The following RUNDC3B variants were observed in gnomAD, a reference collection of about 807,000 sequenced individuals.
RUNDC3B encodes the protein RUN domain containing 3B, also known as RUN domain-containing protein 3B.
Under a neutral mutation model 58.4 loss-of-function variants are expected in RUNDC3B, and 33 were observed. The ratio of observed to expected loss-of-function variants is 0.56; its 90% CI spans 0.43 to 0.75. The LOEUF is 0.75. Ranked by LOEUF, RUNDC3B falls within the 30% of genes least tolerant of loss-of-function variation. The probability of loss-of-function intolerance (pLI) is 0.00; values close to 1 mark genes in which losing one functional copy is unlikely to be tolerated. For missense variants in RUNDC3B, 501 were observed against 535.7 expected (o/e 0.94, Z 0.64); for synonymous variants, 193 against 195.2 (o/e 0.99, Z 0.10).
chr7:87,649,346 G>A (rs1480116288), intron 1 of RUNDC3B, among the ~76,000 whole-genome samples: 1 of 152,180 alleles, frequency 6.6e-6, no homozygotes, highest in Non-Finnish European at 1.5e-5. Flanking sequence ...AACGTTCAAA[G>A]CATTGTCCTA....
intron 2 of RUNDC3B, among the ~76,000 whole-genome samples, chr7:87,655,314 C>T (rs920142545): frequency 2.0e-5 from 3 of 152,048 alleles, no homozygotes; most frequent in South Asian, 2.1e-4. Flanking sequence ...GATAAGGACT[C>T]AACCTAATTG....
At chr7:87,755,501 T>C (rs1294010310) in intron 6 of RUNDC3B, among the ~76,000 whole-genome samples, 1 of 152,114 alleles carries the variant, frequency 6.6e-6, no homozygotes, top group Non-Finnish European at 1.5e-5. Context: ...AACAAAATAC[T>C]GGCAAACTGA....
intron 2 of RUNDC3B, among the ~76,000 whole-genome samples, chr7:87,691,628 GTTTA>G (rs1340756227): frequency 6.6e-6 from 1 of 152,108 alleles, no homozygotes; most frequent in Non-Finnish European, 1.5e-5. Flanking sequence ...TCATACGCTT[GTTTA>G]TTTAAAGAGC....
At chr7:87,698,774 C>T (rs184406881) in intron 2 of RUNDC3B, among the ~76,000 whole-genome samples, 4 of 152,194 alleles carry the variant, frequency 2.6e-5, no homozygotes, top group Admixed American at 2.6e-4. Context: ...GTGAAATAAT[C>T]AAGTAAAGAA....
chr7:87,666,171 A>C lies in RUNDC3B; in HGVS notation c.238+15234A>C, dbSNP rs997598847. Among the ~76,000 whole-genome samples, 4 of 152,100 alleles carry C rather than the reference A, an allele frequency of 2.6e-5. No homozygotes were observed. In the East Asian group the frequency reaches 7.7e-4, roughly 29 times the overall value. ...CACCTGTTATTTTTGACTTTTTAGT[A>C]ATAGCCATTCTGACTGGTGTGAGAT... On this transcript the variant is annotated intron_variant, in intron 2 of 10. Coordinates refer to ENST00000394654, the MANE Select transcript of RUNDC3B (RefSeq NM_001134405.2).
At chr7:87,647,853 A>G (rs1823168716) in intron 1 of RUNDC3B, among the ~76,000 whole-genome samples, 1 of 152,128 alleles carries the variant, frequency 6.6e-6, no homozygotes, top group African/African-American at 2.4e-5. Context: ...AAAAGAGTAA[A>G]TTGGCCAACT....
At chr7:87,679,566 T>A (rs935165256) in intron 2 of RUNDC3B, among the ~76,000 whole-genome samples, 2 of 150,070 alleles carry the variant, frequency 1.3e-5, no homozygotes, top group Non-Finnish European at 3.0e-5. Flanking sequence ...ATTTTTTGAT[T>A]TTTTATAGAG....
At chr7:87,663,812 T>C (rs1418428157) in intron 2 of RUNDC3B, among the ~76,000 whole-genome samples, 1 of 152,118 alleles carries the variant, frequency 6.6e-6, no homozygotes, top group Non-Finnish European at 1.5e-5. Context: ...CTGATTTGCT[T>C]TCTGGCAAGC....
At chr7:87,783,436 G>A (rs1359336733) in intron 8 of RUNDC3B, among the ~76,000 whole-genome samples, 3 of 152,088 alleles carry the variant, frequency 2.0e-5, no homozygotes, top group African/African-American at 7.2e-5. Context: ...GCAAGTGGTT[G>A]GGTCTTGTTC....
chr7:87,822,637 C>G (rs1837541172), intron 10 of RUNDC3B, among the ~76,000 whole-genome samples: 1 of 152,290 alleles, frequency 6.6e-6, no homozygotes, highest in Middle Eastern at 3.4e-3. Context: ...TGGAACCAAG[C>G]CAAATGTCCA....
intron 3 of RUNDC3B, among the ~76,000 whole-genome samples, chr7:87,705,910 C>T (rs573349711): frequency 3.4e-4 from 52 of 151,854 alleles, no homozygotes; most frequent in Non-Finnish European, 6.3e-4. Context: ...CAAGAAATCC[C>T]TTCTCCTTCT....
rs912507395 is a variant in RUNDC3B at position 87,628,937 on chromosome 7, C to A, written c.114C>A (p.Thr38=). Reference sequence around the variant, plus strand: ...CGGTGGAGAGGAGGAACCTGATCACCGTGTGCAGGTACGGCAGCGCAGGGC... The same window carrying A: ...CGGTGGAGAGGAGGAACCTGATCACAGTGTGCAGGTACGGCAGCGCAGGGC... The part of the protein sequence containing the change: ...NAAVERRNLI[T]VCRFSVKTLI... Residue 38 remains threonine (T), a synonymous_variant, in exon 1 of 11, where the codon ACC becomes ACA. Transcript: ENST00000394654. The A allele has an allele frequency of 7.6e-7, 1 of 1,310,050 alleles. No homozygotes were observed. Among genetic ancestry groups the A allele is most frequent in the Non-Finnish European group, 9.8e-7 (1 of 1,020,516 alleles). 81.2% of individuals were successfully genotyped at this position (1,310,050 alleles called of 1,614,324 possible). A position where few individuals can be genotyped will look rare whatever the true frequency, so the allele number is the denominator to read the frequency against.
In RUNDC3B at chr7:87,777,941, G is replaced by A. The variant is rs143228485; in HGVS notation, c.942G>A (p.Glu314=). The A allele has an allele frequency of 1.9e-6, 3 of 1,612,634 alleles. No homozygotes were observed. Among genetic ancestry groups the A allele is most frequent in the Non-Finnish European group, 2.5e-6 (3 of 1,179,288 alleles). ...EKEQLEYIIV[E]LQDQLTVLKN... is the part of the protein sequence containing the mutation. The stretch of plus-strand genomic sequence containing the variant: ...AACAATTAGAATATATAATTGTGGA[G>A]CTTCAAGATCAGCTGTAAGTACAAG... The change falls in exon 8 of 11, where the codon GAG becomes GAA. Residue 314 remains glutamate, a synonymous_variant. Transcript: ENST00000394654.
intron 9 of RUNDC3B, among the ~76,000 whole-genome samples, chr7:87,815,673 A>G (rs1836988719): frequency 6.6e-6 from 1 of 152,052 alleles, no homozygotes; most frequent in African/African-American, 2.4e-5. Context: ...TGTAATAATA[A>G]TTTGTTTTTG....
intron 1 of RUNDC3B, among the ~76,000 whole-genome samples, chr7:87,633,155 A>G (rs1821396504): frequency 6.6e-6 from 1 of 152,228 alleles, no homozygotes; most frequent in African/African-American, 2.4e-5. Flanking sequence ...ATTTTTATAC[A>G]TAACTAATAT....
intron 2 of RUNDC3B, among the ~76,000 whole-genome samples, chr7:87,652,010 A>G (rs1468990652): frequency 1.3e-5 from 2 of 152,032 alleles, no homozygotes; most frequent in Non-Finnish European, 2.9e-5. Flanking sequence ...GTTACCTTTT[A>G]TAAGAAAATA....
chr7:87,631,584 G>A (rs1372384253), intron 1 of RUNDC3B, among the ~76,000 whole-genome samples: 2 of 152,096 alleles, frequency 1.3e-5, no homozygotes, highest in Non-Finnish European at 2.9e-5. Context: ...TAGTAGAGAC[G>A]GGGTTTCACC....
Position 87,770,719 on chromosome 7 carries a change from A to G in RUNDC3B, c.768A>G (p.Lys256=). ...NSWFNKCKRV[K]QKYQLTLEQK... ...GGTTCAACAAGTGTAAGAGAGTTAA[A>G]CAAAAGTATCAGCTTACCCTGGAAC... Residue 256 remains lysine, a synonymous_variant, in exon 7 of 11, where the codon AAA becomes AAG. Coordinates refer to ENST00000394654, the MANE Select transcript of RUNDC3B (RefSeq NM_001134405.2). 1 of 1,613,146 alleles carries G rather than the reference A, an allele frequency of 6.2e-7. No individual in the cohort carries two copies. Among genetic ancestry groups the G allele is most frequent in the Non-Finnish European group, 8.5e-7 (1 of 1,179,380 alleles).
intron 4 of RUNDC3B, among the ~76,000 whole-genome samples, chr7:87,721,895 A>G (rs986563153): frequency 2.6e-5 from 4 of 151,710 alleles, no homozygotes; most frequent in Non-Finnish European, 5.9e-5. Context: ...TAGTTATTTT[A>G]TAGCGTTGCA....
Sources: gnomAD v4.1 joint callset for allele counts (sites outside exome capture counted in the v4.1 genomes callset) on GRCh38, gnomAD v4.1.1 for gene constraint, MANE v1.5 for transcripts, NCBI Gene and HGNC (gene_info 2026-07-23, HGNC 2026-07-21) for gene names.